The following ATP9A variants were observed in gnomAD, a reference collection of about 807,000 sequenced individuals.
ATP9A encodes the protein probable phospholipid-transporting ATPase IIA.
ATP9A carries 52 observed loss-of-function variants against 144.1 expected under a neutral mutation model. That is an observed-to-expected ratio of 0.36 (90% CI 0.29 to 0.45). The LOEUF (loss-of-function observed/expected upper bound fraction) is 0.45. Ranked by LOEUF, ATP9A falls within the 20% of genes least tolerant of loss-of-function variation. The pLI, the probability that ATP9A is intolerant of heterozygous loss-of-function variation, is 1.00. For synonymous variants in ATP9A, 582 were observed against 557.4 expected, an observed-to-expected ratio of 1.04 and a Z score of -0.62; for missense variants, 947 against 1,392.7, an observed-to-expected ratio of 0.68 and a Z score of 5.09.
At chr20:51,735,434 T>C (rs569810349) in intron 1 of ATP9A, among the ~76,000 whole-genome samples, 10 of 152,286 alleles carry the variant, frequency 6.6e-5, no homozygotes, top group East Asian at 1.9e-4. Flanking sequence ...TTAGTAAGAT[T>C]TGCATTTTTT....
At chr20:51,702,365 C>CTTGTGT (rs370241750) in intron 4 of ATP9A, among the ~76,000 whole-genome samples, 214 of 130,304 alleles carry the variant, frequency 1.6e-3, no homozygotes, top group Non-Finnish European at 2.8e-3. Flanking sequence ...TGTGTGTGTT[C>CTTGTGT]GTGTGTGTGT....
At chr20:51,658,894 G>C (rs61207763) in intron 13 of ATP9A, among the ~76,000 whole-genome samples, 2 of 112,400 alleles carry the variant, frequency 1.8e-5, no homozygotes, top group African/African-American at 7.1e-5. Flanking sequence ...CTGGCGGGGG[G>C]GGGGGGGGGA....
chr20:51,717,055 C>T (rs2077665042), intron 3 of ATP9A, among the ~76,000 whole-genome samples: 2 of 151,810 alleles, frequency 1.3e-5, no homozygotes, highest in Non-Finnish European at 2.9e-5. Flanking sequence ...ACCTGTAATC[C>T]CAGCTCCTCG....
chr20:51,686,478 G>A (rs2077523644), intron 9 of ATP9A, among the ~76,000 whole-genome samples: 1 of 151,862 alleles, frequency 6.6e-6, no homozygotes, highest in Non-Finnish European at 1.5e-5. Context: ...GCAAAAATAT[G>A]TATAACCCAC....
chr20:51,610,710 T>C (rs1268607937), intron 23 of ATP9A, among the ~76,000 whole-genome samples: 2 of 152,074 alleles, frequency 1.3e-5, no homozygotes, highest in Non-Finnish European at 2.9e-5. Context: ...TCTGTAGGCA[T>C]GCACGCTGCT....
At chr20:51,757,737 T>C (rs1232045059) in intron 1 of ATP9A, among the ~76,000 whole-genome samples, 1 of 152,032 alleles carries the variant, frequency 6.6e-6, no homozygotes, top group Non-Finnish European at 1.5e-5. Context: ...AAACCCCATC[T>C]CTATAAAAAA....
chr20:51,727,761 C>A (rs2077721469), intron 2 of ATP9A, among the ~76,000 whole-genome samples: 1 of 151,806 alleles, frequency 6.6e-6, no homozygotes, highest in Non-Finnish European at 1.5e-5. Flanking sequence ...GAAACCCTGT[C>A]TCTACTAAAA....
At chr20:51,693,951 T>C in intron 7 of ATP9A, 57 bp downstream of exon 7, 1 of 1,496,732 alleles carries the variant, frequency 6.7e-7, no homozygotes, top group Non-Finnish European at 9.2e-7. Flanking sequence ...GGTATGAGTT[T>C]GAGAACCCTG....
intron 15 of ATP9A, among the ~76,000 whole-genome samples, chr20:51,638,071 TTATATATATA>T (rs56043552): frequency 0.034 from 1,150 of 34,066 alleles, 42 homozygotes; most frequent in African/African-American, 0.071. Context: ...TTTCATCATT[TTATATATATA>T]TATATATATA....
chr20:51,681,404 C>T (rs1479284908), intron 9 of ATP9A, among the ~76,000 whole-genome samples: 1 of 151,122 alleles, frequency 6.6e-6, no homozygotes, highest in East Asian at 1.9e-4. Context: ...TCTCCCATTT[C>T]CTCTATAGCC....
intron 13 of ATP9A, 22 bp downstream of exon 13, chr20:51,669,975 G>T (rs368159396): frequency 6.5e-7 from 1 of 1,549,712 alleles, no homozygotes; most frequent in South Asian, 1.1e-5. Flanking sequence ...ATTGTTTTGG[G>T]TGTTGAAATG....
rs867207868 is a variant in ATP9A, at chr20:51,743,831, A to C, written c.69-13853T>G. On this transcript the variant is annotated intron_variant, in intron 1 of 27. Coordinates refer to ENST00000338821, the MANE Select transcript of ATP9A (RefSeq NM_006045.3). ...AGACCATCCTGGCCAACATGGTGAA[A>C]CCCTGTCTCTACTAAAAATACAAAA... 3.1e-3 allele frequency among the ~76,000 whole-genome samples: 460 copies of C among 150,084 alleles called. 3 individuals carry two copies. The highest frequency in any genetic ancestry group is 0.011 in the African/African-American group (434 of 40,996).
intron 1 of ATP9A, among the ~76,000 whole-genome samples, chr20:51,744,975 T>C (rs1231036656): frequency 6.6e-6 from 1 of 151,508 alleles, no homozygotes; most frequent in Non-Finnish European, 1.5e-5. Context: ...ACTAAAAATA[T>C]AAAAATTAGC....
rs911124640 is a variant in ATP9A, at chr20:51,730,554, C to T, written c.69-576G>A. 7.9e-5 allele frequency among the ~76,000 whole-genome samples: 12 copies of T among 152,346 alleles called. No homozygotes were observed. In the East Asian group the frequency reaches 1.9e-3, roughly 24 times the overall value. ...CTTGCATTGTTAAGCGACAAGGATA[C>T]GCTCTAAGAAACGCATTAGGCCATT... On this transcript the variant is annotated intron_variant, in intron 1 of 27. Coordinates refer to ENST00000338821, the MANE Select transcript of ATP9A (RefSeq NM_006045.3).
chr20:51,679,286 T>C (rs2077490399), intron 9 of ATP9A, among the ~76,000 whole-genome samples: 1 of 150,540 alleles, frequency 6.6e-6, no homozygotes, highest in African/African-American at 2.5e-5. Context: ...ATCACGCCAC[T>C]GTACTCCAGC....
chr20:51,753,111 AAAG>A (rs2077839708), intron 1 of ATP9A, among the ~76,000 whole-genome samples: 6 of 151,836 alleles, frequency 4.0e-5, no homozygotes, highest in South Asian at 2.1e-4. Context: ...TCAAAAAAAA[AAAG>A]AAAGAAAGAA....
chr20:51,689,241 C>A (rs770468404), intron 8 of ATP9A, 102 bp from the exon 9 acceptor site: 1 of 1,197,780 alleles, frequency 8.3e-7, no homozygotes, highest in Non-Finnish European at 1.2e-6. Flanking sequence ...ACAGGCTCCC[C>A]CCGATGAACC....
intron 3 of ATP9A, among the ~76,000 whole-genome samples, chr20:51,721,979 T>C (rs1205228182): frequency 6.6e-6 from 1 of 152,046 alleles, no homozygotes; most frequent in East Asian, 1.9e-4. Context: ...ATGGTACTGG[T>C]ATAAAAATAG....
chr20:51,687,202 A>G, intron 9 of ATP9A, among the ~76,000 whole-genome samples: 1 of 126,294 alleles, frequency 7.9e-6, no homozygotes, highest in East Asian at 1.9e-4. Context: ...GGCTGTGCCC[A>G]GGCGTGGCCC....
Sources: allele counts gnomAD v4.1 joint callset (sites outside exome capture counted in the v4.1 genomes callset), GRCh38; gene constraint gnomAD v4.1.1; transcripts MANE v1.5; gene names NCBI Gene and HGNC (gene_info 2026-07-23, HGNC 2026-07-21).